The following PRIM2 variants were observed in gnomAD, a reference collection of about 807,000 sequenced individuals.
PRIM2 encodes DNA primase large subunit.
In PRIM2, 39 loss-of-function variants were observed where a neutral mutation model predicts 67.3. The ratio of observed to expected loss-of-function variants is 0.58; its 90% CI spans 0.45 to 0.76. The LOEUF is 0.76. Ranked by LOEUF, PRIM2 falls within the 30% of genes least tolerant of loss-of-function variation. PRIM2 has a pLI of 0.00. For synonymous variants in PRIM2, 143 were observed against 198.7 expected, an observed-to-expected ratio of 0.72 and a Z score of 2.36; for missense variants, 398 against 598.7, an observed-to-expected ratio of 0.66 and a Z score of 3.50.
chr6:57,476,462 G>A (rs1451678261), intron 7 of PRIM2, among the ~76,000 whole-genome samples: 1 of 152,160 alleles, frequency 6.6e-6, no homozygotes, highest in African/African-American at 2.4e-5. Context: ...TTCCACAAGA[G>A]AAATTCACTT....
the PRIM2 span, among the ~76,000 whole-genome samples, chr6:57,248,866 A>G: frequency 6.6e-6 from 1 of 152,254 alleles, no homozygotes; most frequent in Non-Finnish European, 1.5e-5. Context: ...ATAAAATGCA[A>G]TGTTTGAAAG....
the PRIM2 span, among the ~76,000 whole-genome samples, chr6:57,231,810 G>A: frequency 6.6e-6 from 1 of 151,484 alleles, no homozygotes; most frequent in African/African-American, 2.4e-5. Context: ...CATTTTCTAT[G>A]AGTGCTTGAA....
At chr6:57,613,287 A>G (rs1229040071) in intron 12 of PRIM2, among the ~76,000 whole-genome samples, 9 of 152,328 alleles carry the variant, frequency 5.9e-5, no homozygotes, top group Admixed American at 5.2e-4. Context: ...GCCTCTTGGG[A>G]ACTAACCAAG....
intron 8 of PRIM2, among the ~76,000 whole-genome samples, chr6:57,509,893 T>C (rs1161845021): frequency 6.7e-6 from 1 of 150,312 alleles, no homozygotes; most frequent in Admixed American, 6.7e-5. Context: ...TTTAGAAATA[T>C]ATAAAGTATA....
chr6:57,259,456 G>A, the PRIM2 span, among the ~76,000 whole-genome samples: 19 of 152,250 alleles, frequency 1.2e-4, no homozygotes, highest in East Asian at 1.9e-4. Flanking sequence ...CATCCTGTTC[G>A]TCAAGGCAAG....
chr6:57,298,035 C>G, the PRIM2 span, among the ~76,000 whole-genome samples: 4 of 152,112 alleles, frequency 2.6e-5, no homozygotes, highest in African/African-American at 9.7e-5. Context: ...TTTTATACAC[C>G]TGAAATTATT....
intron 7 of PRIM2, among the ~76,000 whole-genome samples, chr6:57,424,631 A>G (rs1211908601): frequency 1.3e-5 from 2 of 152,202 alleles, no homozygotes; most frequent in African/African-American, 2.4e-5. Flanking sequence ...AATCAAAGCA[A>G]TGCCTTAAAA....
chr6:57,376,120 T>G (rs1346714086), intron 5 of PRIM2, among the ~76,000 whole-genome samples: 2 of 152,156 alleles, frequency 1.3e-5, no homozygotes, highest in Non-Finnish European at 2.9e-5. Flanking sequence ...TCCCAATTAC[T>G]CAGAAAGTTC....
chr6:57,505,352 G>A (rs1774229089), intron 7 of PRIM2: 1 of 152,184 alleles, frequency 6.6e-6, no homozygotes, highest in African/African-American at 2.4e-5. Context: ...GGAAGGGGAG[G>A]TTGGGAAAAC....
chr6:57,556,702 G>A (rs1333435513), intron 10 of PRIM2, among the ~76,000 whole-genome samples: 1 of 152,056 alleles, frequency 6.6e-6, no homozygotes, highest in East Asian at 1.9e-4. Flanking sequence ...AACCTAGACA[G>A]TACCATCCTG....
chr6:57,371,631 A>G (rs1294615303), intron 5 of PRIM2, among the ~76,000 whole-genome samples: 1 of 152,226 alleles, frequency 6.6e-6, no homozygotes, highest in Non-Finnish European at 1.5e-5. Flanking sequence ...GTATATTAAA[A>G]TTTTATTTAA....
At chr6:57,544,979 A>T (rs1405182637) in intron 10 of PRIM2, among the ~76,000 whole-genome samples, 2,048 of 152,310 alleles carry the variant, frequency 0.013, 46 homozygotes, top group African/African-American at 0.047. Context: ...TTTCGATATG[A>T]GAAAAAATAA....
At chr6:57,511,283 C>G (rs1267976003) in intron 8 of PRIM2, among the ~76,000 whole-genome samples, 1 of 152,098 alleles carries the variant, frequency 6.6e-6, no homozygotes, top group African/African-American at 2.4e-5. Flanking sequence ...AGAAAAACAT[C>G]GTGCTTCAAT....
intron 7 of PRIM2, 53 bp from the exon 8 acceptor site, chr6:57,507,334 A>G: frequency 1.6e-6 from 2 of 1,263,922 alleles, no homozygotes; most frequent in Admixed American, 2.6e-5. Flanking sequence ...GTATTCAAAT[A>G]TGTTCGGTGT....
intron 8 of PRIM2, among the ~76,000 whole-genome samples, chr6:57,525,944 T>C (rs1774742375): frequency 6.6e-6 from 1 of 152,204 alleles, no homozygotes; most frequent in Admixed American, 6.5e-5. Flanking sequence ...TGGTGTTTTT[T>C]TATTTATTTG....
chr6:57,262,019 C>A, the PRIM2 span, among the ~76,000 whole-genome samples: 1 of 152,190 alleles, frequency 6.6e-6, no homozygotes, highest in African/African-American at 2.4e-5. Flanking sequence ...TCTGCCAGAA[C>A]CCTGGCTAGT....
At chr6:57,450,078 A>G (rs1373969399) in intron 7 of PRIM2, among the ~76,000 whole-genome samples, 5 of 152,212 alleles carry the variant, frequency 3.3e-5, no homozygotes, top group Non-Finnish European at 7.4e-5. Flanking sequence ...ATCTTTAAAA[A>G]AACCAACTAA....
chr6:57,460,625 A>G (rs1285657287), intron 7 of PRIM2, among the ~76,000 whole-genome samples: 1 of 152,078 alleles, frequency 6.6e-6, no homozygotes, highest in African/African-American at 2.4e-5. Flanking sequence ...TTAAAAAAAA[A>G]AAAAAAAGCT....
In PRIM2 at chr6:57,646,077, A is replaced by G; in HGVS notation, c.1449A>G (p.Ala483=). The change falls in exon 14 of 14, where the codon GCA becomes GCG. Residue 483 remains alanine, a synonymous_variant. Transcript: ENST00000615550. ...PKPSVQKTKD[A]SSALASLNSS... is the part of the protein sequence containing the mutation. Reference sequence around the variant, plus strand: ...CAAGTGTCCAGAAAACCAAGGATGCATCATCTGCTCTGGCCTCTTTAAATT... The same window carrying G: ...CAAGTGTCCAGAAAACCAAGGATGCGTCATCTGCTCTGGCCTCTTTAAATT... 6.2e-7 allele frequency: 1 copy of G among 1,604,338 alleles called. No homozygotes were observed. Among genetic ancestry groups the G allele is most frequent in the Admixed American group, 1.7e-5 (1 of 60,004 alleles).
Sources: gnomAD v4.1 joint callset for allele counts (sites outside exome capture counted in the v4.1 genomes callset) on GRCh38, gnomAD v4.1.1 for gene constraint, MANE v1.5 for transcripts, NCBI Gene and HGNC (gene_info 2026-07-23, HGNC 2026-07-21) for gene names.